The following RNF212B variants were observed in gnomAD, a reference collection of about 807,000 sequenced individuals.
RNF212B encodes ring finger protein 212B, also known as E3 ubiquitin-protein ligase RNF212B.
Under a neutral mutation model 55.5 loss-of-function variants are expected in RNF212B, and 52 were observed. That is an observed-to-expected ratio of 0.94 (90% CI 0.75 to 1.18). The LOEUF (loss-of-function observed/expected upper bound fraction) is 1.18, where lower values mean the gene tolerates loss of function less well. Among genes scored for constraint, RNF212B ranks in the 50% most tolerant of loss-of-function variants. RNF212B has a pLI of 0.00. For missense variants in RNF212B, 289 were observed against 350.4 expected, an observed-to-expected ratio of 0.82 and a Z score of 1.40; for synonymous variants, 99 against 121.4, an observed-to-expected ratio of 0.82 and a Z score of 1.21.
chr14:23,226,889 G>C (rs930242792), intron 2 of RNF212B, among the ~76,000 whole-genome samples: 1 of 148,180 alleles, frequency 6.7e-6, no homozygotes, highest in Non-Finnish European at 1.5e-5. Flanking sequence ...GTAATCCTCC[G>C]GGTTTGGCCT....
chr14:23,193,385 C>T (rs975384594), exon 2 of RNF212B: 1 of 152,094 alleles, frequency 6.6e-6, no homozygotes, highest in African/African-American at 2.4e-5. Context: ...GAAGAAGACC[C>T]TGAGTTCAGG....
At chr14:23,201,652 T>G (rs2140369883) in intron 2 of RNF212B, among the ~76,000 whole-genome samples, 1 of 152,314 alleles carries the variant, frequency 6.6e-6, no homozygotes, top group Admixed American at 6.5e-5. Context: ...AGACACAATT[T>G]ATAATTTAAT....
At chr14:23,272,713 A>C (rs1179640828) in intron 14 of RNF212B, 110 bp from the exon 15 acceptor site, 4 of 731,912 alleles carry the variant, frequency 5.5e-6, no homozygotes, top group Non-Finnish European at 9.6e-6. Flanking sequence ...ATGGGGAAGC[A>C]AAAGCAGTGG....
chr14:23,215,449 G>C (rs935252533), intron 2 of RNF212B, among the ~76,000 whole-genome samples: 1 of 152,140 alleles, frequency 6.6e-6, no homozygotes, highest in African/African-American at 2.4e-5. Flanking sequence ...AGCTTACAAT[G>C]AGACATGATT....
At chr14:23,269,722 A>T in intron 12 of RNF212B, 141 bp from the exon 13 acceptor site, 1 of 597,508 alleles carries the variant, frequency 1.7e-6, no homozygotes, top group East Asian at 2.8e-5. Context: ...AAAAAAAAAA[A>T]AAGAAAAAAT....
intron 14 of RNF212B, among the ~76,000 whole-genome samples, chr14:23,271,410 T>C (rs1262361297): frequency 6.7e-6 from 1 of 149,494 alleles, no homozygotes; most frequent in East Asian, 1.9e-4. Context: ...GCCACTGCAC[T>C]CCAGCCTGGG....
intron 1 of RNF212B, among the ~76,000 whole-genome samples, chr14:23,239,065 C>A (rs1174466523): frequency 6.6e-6 from 1 of 152,074 alleles, no homozygotes; most frequent in Non-Finnish European, 1.5e-5. Flanking sequence ...ATCTATGATT[C>A]TGAGTTTCTT....
intron 2 of RNF212B, among the ~76,000 whole-genome samples, chr14:23,198,777 G>A (rs2140365426): frequency 6.6e-6 from 1 of 152,224 alleles, no homozygotes. Flanking sequence ...CTTTACATAT[G>A]TACTGGGGCT....
At chr14:23,255,884 G>A (rs1014823591) in intron 4 of RNF212B, among the ~76,000 whole-genome samples, 3 of 152,168 alleles carry the variant, frequency 2.0e-5, no homozygotes, top group Non-Finnish European at 4.4e-5. Context: ...CTTCTTCAGT[G>A]AATGTGTTTG....
intron 2 of RNF212B, 88 bp downstream of exon 2, chr14:23,240,533 T>C: frequency 1.3e-6 from 1 of 766,360 alleles, no homozygotes; most frequent in Non-Finnish European, 2.2e-6. Context: ...TGACTTAGGA[T>C]AAAAATCACT....
intron 12 of RNF212B, 79 bp from the exon 13 acceptor site, chr14:23,269,784 G>T: frequency 1.3e-6 from 1 of 762,474 alleles, no homozygotes. Flanking sequence ...AGCTGTATAG[G>T]CTCTTCCATT....
In RNF212B at chr14:23,195,433, T is replaced by G. The variant is rs565955328; in HGVS notation, c.-2+2032T>G. Among the ~76,000 whole-genome samples the G allele has an allele frequency of 2.6e-5, 4 of 152,310 alleles. No individual in the cohort carries two copies. In the East Asian group the frequency reaches 7.7e-4, roughly 29 times the overall value. Reference sequence around the variant, plus strand: ...CGTAGCCCATCTTCACCATATCTCTTGTCTACCTCTAAGGCTTCGATGTCC... The same window carrying G: ...CGTAGCCCATCTTCACCATATCTCTGGTCTACCTCTAAGGCTTCGATGTCC... On this transcript the variant is annotated intron_variant, in intron 2 of 15. Transcript: ENST00000399910.
intron 2 of RNF212B, among the ~76,000 whole-genome samples, chr14:23,211,225 A>T (rs1216338775): frequency 8.8e-6 from 1 of 113,792 alleles, no homozygotes; most frequent in Non-Finnish European, 1.9e-5. Flanking sequence ...CTCAAAAAAA[A>T]AAAGAAAGAA....
chr14:23,215,597 G>C (rs536114659), intron 2 of RNF212B, among the ~76,000 whole-genome samples: 24 of 152,244 alleles, frequency 1.6e-4, no homozygotes, highest in African/African-American at 5.8e-4. Context: ...TGAAAGAAAG[G>C]AACTGTCCAT....
intron 2 of RNF212B, among the ~76,000 whole-genome samples, chr14:23,213,205 C>T (rs988461379): frequency 2.6e-5 from 4 of 151,498 alleles, no homozygotes; most frequent in African/African-American, 9.7e-5. Context: ...CCCAGCTACT[C>T]GGGAGGCTGA....
At chr14:23,238,208 T>C (rs1216960498) in intron 1 of RNF212B, among the ~76,000 whole-genome samples, 153 bp downstream of exon 1, 1 of 152,098 alleles carries the variant, frequency 6.6e-6, no homozygotes, top group Non-Finnish European at 1.5e-5. Flanking sequence ...ATTCAGGGGA[T>C]GACATTGTTG....
chr14:23,268,785 T>C (rs1885869921), intron 11 of RNF212B, 139 bp from the exon 12 acceptor site: 2 of 648,824 alleles, frequency 3.1e-6, no homozygotes, highest in African/African-American at 1.8e-5. Flanking sequence ...GTGAGCTTTT[T>C]CACTTGGCAT....
At position 23,209,624 on chromosome 14, in the gene RNF212B, G is replaced by C. The variant is rs8005697; in HGVS notation, c.-2+16223G>C. Among the ~76,000 whole-genome samples, 1,277 of 152,196 alleles carry C rather than the reference G, an allele frequency of 8.4e-3. 17 individuals are homozygous for C. The highest frequency in any genetic ancestry group is 0.029 in the African/African-American group (1,209 of 41,500). ...TTCCAAATTTTAAATAATATATGTA[G>C]ATACTTTTTCTTGCAGGAGGTAATG... On this transcript the variant is annotated intron_variant, in intron 2 of 15. Coordinates refer to the RNF212B transcript ENST00000399910.
intron 2 of RNF212B, among the ~76,000 whole-genome samples, chr14:23,221,305 G>A (rs962627571): frequency 2.6e-5 from 4 of 150,970 alleles, no homozygotes; most frequent in Admixed American, 2.0e-4. Flanking sequence ...GTAAAAAGAT[G>A]TGCCATGACA....
Sources: allele counts gnomAD v4.1 joint callset (sites outside exome capture counted in the v4.1 genomes callset), GRCh38; gene constraint gnomAD v4.1.1; transcripts MANE v1.5; gene names NCBI Gene and HGNC (gene_info 2026-07-23, HGNC 2026-07-21).